TYR: variants seen among roughly 807,000 people sequenced by gnomAD.
The protein encoded by TYR is LB24-AB.
Under a neutral mutation model 51.5 loss-of-function variants are expected in TYR, and 58 were observed. The observed-to-expected ratio is 1.13, with a 90% confidence interval of 0.91 to 1.40. The LOEUF (loss-of-function observed/expected upper bound fraction) is 1.40. TYR is among the 40% of genes most tolerant of loss of function. The pLI is 0.00. For synonymous variants in TYR, 263 were observed against 235.2 expected, an observed-to-expected ratio of 1.12 and a Z score of -1.08; for missense variants, 732 against 647.4, an observed-to-expected ratio of 1.13 and a Z score of -1.42.
rs148687804 is a variant in TYR at position 89,234,374 on chromosome 11, A to T, written c.1184+6404A>T. On this transcript the variant is annotated intron_variant, in intron 3 of 4. Coordinates refer to ENST00000263321, the MANE Select transcript of TYR (RefSeq NM_000372.5). ...AAATTTTCTTCATATCAGCAGTAAGACTGTTTTTCTTTCTTATTGTGTGTG... is the reference window on the plus strand; with the variant it reads ...AAATTTTCTTCATATCAGCAGTAAGTCTGTTTTTCTTTCTTATTGTGTGTG... 3.0e-3 allele frequency among the ~76,000 whole-genome samples: 437 copies of T among 143,614 alleles called. 83 individuals carry two copies. Among genetic ancestry groups the T allele is most frequent in the African/African-American group, 0.011 (412 of 36,446 alleles). 94.2% of individuals were successfully genotyped at this position (143,614 alleles called of 152,430 possible).
At chr11:89,285,768 C>T (rs972800869) in intron 4 of TYR, among the ~76,000 whole-genome samples, 3 of 151,654 alleles carry the variant, frequency 2.0e-5, no homozygotes, top group African/African-American at 7.3e-5. Flanking sequence ...AATCAAACAC[C>T]AATAATGTGG....
At chr11:89,209,646 G>C (rs1322105160) in intron 2 of TYR, among the ~76,000 whole-genome samples, 1 of 152,210 alleles carries the variant, frequency 6.6e-6, no homozygotes, top group South Asian at 2.1e-4. Context: ...ATAATGGACA[G>C]ACGGCCTCCT....
chr11:89,250,148 A>G (rs760975059), intron 3 of TYR, among the ~76,000 whole-genome samples: 2 of 152,054 alleles, frequency 1.3e-5, no homozygotes, highest in Admixed American at 6.6e-5. Context: ...GTCATTAAAT[A>G]TATCAGTGGT....
chr11:89,262,074 T>C (rs1473811822), intron 3 of TYR, among the ~76,000 whole-genome samples: 32 of 152,142 alleles, frequency 2.1e-4, no homozygotes, highest in Admixed American at 2.1e-3. Context: ...TTATTTTTTT[T>C]TGAGATGGAG....
chr11:89,179,370 CCTGAGG>C (rs1943271345), intron 1 of TYR, among the ~76,000 whole-genome samples: 1 of 152,018 alleles, frequency 6.6e-6, no homozygotes, highest in Non-Finnish European at 1.5e-5. Context: ...GTATGAAGAT[CCTGAGG>C]CTTAAACAGG....
chr11:89,202,829 T>C (rs1943616715), intron 2 of TYR, among the ~76,000 whole-genome samples: 1 of 152,108 alleles, frequency 6.6e-6, no homozygotes, highest in African/African-American at 2.4e-5. Flanking sequence ...AATATGGTTA[T>C]AAAAACTCGT....
rs1454215404 is a variant in TYR, at chr11:89,295,585, A to G, written c.*219A>G. ...CCTTTTAACATTTTCCCCTAAGCCC[A>G]TATGTCTAAGGAAAGGATGCTATTT... On this transcript the variant is annotated 3_prime_UTR_variant, in exon 5 of 5. Coordinates refer to ENST00000263321, the MANE Select transcript of TYR (RefSeq NM_000372.5). 3.5e-6 allele frequency: 2 copies of G among 571,014 alleles called. No individual in the cohort carries two copies. The highest frequency in any genetic ancestry group is 4.0e-5 in the South Asian group (2 of 49,730). 35.4% of individuals were successfully genotyped at this position (571,014 alleles called of 1,614,324 possible). A position where few individuals can be genotyped will look rare whatever the true frequency, so the allele number is the denominator to read the frequency against.
chr11:89,263,802 T>C (rs1214331356), intron 3 of TYR, among the ~76,000 whole-genome samples: 2 of 152,062 alleles, frequency 1.3e-5, no homozygotes, highest in Admixed American at 6.6e-5. Context: ...ACTTATATAC[T>C]GAAAACTATA....
At chr11:89,184,448 C>CCATT in intron 1 of TYR, among the ~76,000 whole-genome samples, 1 of 152,238 alleles carries the variant, frequency 6.6e-6, no homozygotes, top group Non-Finnish European at 1.5e-5. Context: ...TTTTATTCAA[C>CCATT]CATTCCTAAG....
intron 3 of TYR, among the ~76,000 whole-genome samples, chr11:89,245,878 G>A (rs759639990): frequency 5.9e-5 from 9 of 151,452 alleles, no homozygotes; most frequent in Non-Finnish European, 1.2e-4. Context: ...CCAAGATCAC[G>A]CTACTGCACT....
At chr11:89,288,817 T>C (rs1214776737) in intron 4 of TYR, among the ~76,000 whole-genome samples, 17 of 152,060 alleles carry the variant, frequency 1.1e-4, no homozygotes, top group Non-Finnish European at 1.2e-4. Flanking sequence ...TCCATATTGT[T>C]GCCTCTGTTG....
intron 3 of TYR, among the ~76,000 whole-genome samples, chr11:89,245,865 G>A (rs1944260194): frequency 6.6e-6 from 1 of 151,748 alleles, no homozygotes; most frequent in South Asian, 2.1e-4. Context: ...AGCTTGCAAT[G>A]AGCCAAGATC....
At chr11:89,225,517 A>T (rs1297304866) in intron 2 of TYR, among the ~76,000 whole-genome samples, 4 of 151,846 alleles carry the variant, frequency 2.6e-5, no homozygotes, top group African/African-American at 9.7e-5. Flanking sequence ...TAAGCATAAC[A>T]TATATAACAT....
intron 4 of TYR, among the ~76,000 whole-genome samples, chr11:89,293,056 G>A (rs1944867579): frequency 6.6e-6 from 1 of 151,956 alleles, no homozygotes; most frequent in Non-Finnish European, 1.5e-5. Flanking sequence ...ATTCCTTTTA[G>A]GAATTTTACA....
chr11:89,235,784 G>C (rs1944102415), intron 3 of TYR, among the ~76,000 whole-genome samples: 1 of 152,058 alleles, frequency 6.6e-6, no homozygotes, highest in Non-Finnish European at 1.5e-5. Context: ...GATGATTATA[G>C]TAAATAATGA....
intron 3 of TYR, among the ~76,000 whole-genome samples, chr11:89,257,941 C>T (rs1944413313): frequency 6.6e-6 from 1 of 151,994 alleles, no homozygotes; most frequent in South Asian, 2.1e-4. Flanking sequence ...TCCTGCACTA[C>T]TATGTAGCAA....
chr11:89,227,771 G>GT (rs1185371329), intron 2 of TYR, 52 bp from the exon 3 acceptor site: 1 of 1,501,090 alleles, frequency 6.7e-7, no homozygotes, highest in African/African-American at 1.4e-5. Context: ...AATCACATAG[G>GT]TTTTCAGTCA....
At chr11:89,290,709 T>C (rs1944843996) in intron 4 of TYR, among the ~76,000 whole-genome samples, 1 of 152,154 alleles carries the variant, frequency 6.6e-6, no homozygotes, top group Admixed American at 6.6e-5. Context: ...TCTTTTCTTT[T>C]TAAGGGAACT....
In TYR at chr11:89,222,883, A is replaced by T. The variant is rs527570889; in HGVS notation, c.1037-4940A>T. 1.8e-4 allele frequency among the ~76,000 whole-genome samples: 28 copies of T among 152,324 alleles called. 1 individual carries two copies. The highest frequency in any genetic ancestry group is 1.8e-3 in the Admixed American group (28 of 15,292). Reference sequence around the variant, plus strand: ...ACAAAGAACATTGAGCTATTTTGGCATCTGTGACTAACATGTCTCTACTGG... The same window carrying T: ...ACAAAGAACATTGAGCTATTTTGGCTTCTGTGACTAACATGTCTCTACTGG... On this transcript the variant is annotated intron_variant, in intron 2 of 4. Transcript: ENST00000263321.
Sources: allele counts gnomAD v4.1 joint callset (sites outside exome capture counted in the v4.1 genomes callset), GRCh38; gene constraint gnomAD v4.1.1; transcripts MANE v1.5; gene names NCBI Gene and HGNC (gene_info 2026-07-23, HGNC 2026-07-21).